The following BLCAP variants were observed in gnomAD, a reference collection of about 807,000 sequenced individuals.
The protein encoded by BLCAP is apoptosis inducing factor BLCAP.
BLCAP carries 1 observed loss-of-function variant against 5.7 expected under a neutral mutation model. The ratio of observed to expected loss-of-function variants is 0.18; its 90% confidence interval spans 0.06 to 0.83. The LOEUF is 0.83. Ranked by LOEUF, BLCAP falls within the 40% of genes least tolerant of loss-of-function variation. The pLI, the probability that BLCAP is intolerant of heterozygous loss-of-function variation, is 0.71. For synonymous variants in BLCAP, 48 were observed against 49.4 expected (o/e 0.97, Z 0.11); for missense variants, 66 against 107.6 (o/e 0.61, Z 1.71).
At chr20:37,522,711 G>C in intron 1 of BLCAP, 1 of 1,612,100 alleles carries the variant, frequency 6.2e-7, no homozygotes, top group South Asian at 1.1e-5. Flanking sequence ...CGGTGTCGCG[G>C]ACCGGGCGGC....
Position 37,519,257 on chromosome 20 carries a change from G to A in BLCAP, c.-83C>T, listed in dbSNP as rs2071473743. 1.0e-5 allele frequency: 15 copies of A among 1,457,384 alleles called. No homozygotes were observed. The highest frequency in any genetic ancestry group is 2.4e-5 in the Admixed American group (1 of 41,972). 90.3% of individuals were successfully genotyped at this position (1,457,384 alleles called of 1,614,324 possible). ...CTAATGGGAGCCAGCGGGCGCAGGC[G>A]GCTGCCCTCCGCTTTCTTCAACCCT... On this transcript the variant is annotated 5_prime_UTR_variant, in exon 2 of 2. Transcript: ENST00000373537.
At chr20:37,526,527 C>G (rs1032341631) in intron 1 of BLCAP, 1 of 151,566 alleles carries the variant, frequency 6.6e-6, no homozygotes, top group African/African-American at 2.4e-5. Flanking sequence ...AGCAGGAAGT[C>G]AGAGAGGCAG....
In BLCAP at chr20:37,521,154, G is replaced by A; in HGVS notation, c.-176-1804C>T. 3.0e-6 allele frequency: 2 copies of A among 669,956 alleles called. No homozygotes were observed. The highest frequency in any genetic ancestry group is 2.7e-6 in the Non-Finnish European group (1 of 373,620). The allele number at this position is 669,956 out of a possible 1,614,324, so 41.5% of individuals were successfully genotyped here. A position where few individuals can be genotyped will look rare whatever the true frequency, so the allele number is the denominator to read the frequency against. On this transcript the variant is annotated intron_variant, in intron 1 of 1. Coordinates refer to ENST00000373537, the MANE Select transcript of BLCAP (RefSeq NM_006698.4). The surrounding 1 kb of genome is among the most constrained non-coding windows in gnomAD (Gnocchi z 4.5). ...TTTCCTCTCCTGGCGAATGAGGAGCGCCCCCAGCCACCCCTCCTCATAAAC... is the reference window on the plus strand; with the variant it reads ...TTTCCTCTCCTGGCGAATGAGGAGCACCCCCAGCCACCCCTCCTCATAAAC...
intron 1 of BLCAP, among the ~76,000 whole-genome samples, chr20:37,525,352 G>A (rs894622597): frequency 6.6e-6 from 1 of 152,242 alleles, no homozygotes; most frequent in Non-Finnish European, 1.5e-5. Context: ...AGCATGGTAA[G>A]AGCTGGCTGC....
intron 1 of BLCAP, chr20:37,522,564 T>TGGGC: frequency 1.8e-6 from 1 of 554,380 alleles, no homozygotes; most frequent in Non-Finnish European, 2.2e-6. Context: ...CTACGCTGGA[T>TGGGC]GGGCGGGCGG....
intron 1 of BLCAP, among the ~76,000 whole-genome samples, chr20:37,526,279 C>T (rs1476835967): frequency 1.4e-5 from 2 of 146,872 alleles, no homozygotes; most frequent in African/African-American, 2.5e-5. Flanking sequence ...CTTCCCCCCC[C>T]CACCGCCCCC....
Position 37,518,936 on chromosome 20 carries a change from T to C in BLCAP, c.239A>G (p.His80Arg). The change falls in exon 2 of 2, where the codon CAT becomes CGT. Residue 80 changes from histidine to arginine, a missense_variant. His to Arg is a conservative substitution (Grantham distance 29). Transcript: ENST00000373537. The part of the protein sequence containing the change: ...CSDSPLPESA[H>R]DPGVVGT Reference sequence around the variant, plus strand: ...TTAGGTGCCCACAACGCCGGGATCATGCGCCGATTCTGGAAGCGGGGAATC... The same window carrying C: ...TTAGGTGCCCACAACGCCGGGATCACGCGCCGATTCTGGAAGCGGGGAATC... 6.2e-7 allele frequency: 1 copy of C among 1,614,218 alleles called. No individual in the cohort carries two copies.
intron 1 of BLCAP, chr20:37,522,595 T>C (rs1456093406): frequency 3.3e-6 from 3 of 910,420 alleles, no homozygotes; most frequent in South Asian, 1.7e-5. Flanking sequence ...GGGGCGGGGG[T>C]GGGCACGGCA....
chr20:37,518,619 A>C lies in BLCAP; in HGVS notation c.*292T>G. On this transcript the variant is annotated 3_prime_UTR_variant, in exon 2 of 2. Transcript: ENST00000373537. ...TGGGGCAGCTGACCAGGATGGACCC[A>C]GACTCCTCACAGTAATGAGGCGAGA... 5.0e-6 allele frequency: 2 copies of C among 400,096 alleles called. No individual in the cohort carries two copies. Among genetic ancestry groups the C allele is most frequent in the Non-Finnish European group, 9.2e-6 (2 of 218,042 alleles). 24.8% of individuals were successfully genotyped at this position (400,096 alleles called of 1,614,324 possible).
intron 1 of BLCAP, chr20:37,524,674 GC>G (rs1222487958): frequency 6.6e-6 from 1 of 152,270 alleles, no homozygotes; most frequent in African/African-American, 2.4e-5. Flanking sequence ...TACTTCTGAA[GC>G]ACAAAGTACC....
chr20:37,519,221 C>T lies in BLCAP; in HGVS notation c.-47G>A, dbSNP rs1056234427. 6.5e-7 allele frequency: 1 copy of T among 1,531,250 alleles called. No individual in the cohort carries two copies. Among genetic ancestry groups the T allele is most frequent in the East Asian group, 2.4e-5 (1 of 40,858 alleles). 94.9% of individuals were successfully genotyped at this position (1,531,250 alleles called of 1,614,324 possible). On this transcript the variant is annotated 5_prime_UTR_variant, in exon 2 of 2. Coordinates refer to ENST00000373537, the MANE Select transcript of BLCAP (RefSeq NM_006698.4). Reference sequence around the variant, plus strand: ...TCACCAAGGCTGCCGGGCACCGCTGCAGGAACCGACCTAATGGGAGCCAGC... The same window carrying T: ...TCACCAAGGCTGCCGGGCACCGCTGTAGGAACCGACCTAATGGGAGCCAGC...
intron 1 of BLCAP, among the ~76,000 whole-genome samples, chr20:37,522,144 GA>G (rs139443313): frequency 0.014 from 1,128 of 82,492 alleles, 16 homozygotes; most frequent in African/African-American, 0.055. Flanking sequence ...AATAGAAGGG[GA>G]AAAAAAGCAC....
At position 37,518,645 on chromosome 20, in the gene BLCAP, G is replaced by T; in HGVS notation, c.*266C>A. The T allele has an allele frequency of 2.0e-6, 1 of 492,188 alleles. No homozygotes were observed. The highest frequency in any genetic ancestry group is 3.7e-6 in the Non-Finnish European group (1 of 272,652). 30.5% of individuals were successfully genotyped at this position (492,188 alleles called of 1,614,324 possible). On this transcript the variant is annotated 3_prime_UTR_variant, in exon 2 of 2. Transcript: ENST00000373537. The stretch of plus-strand genomic sequence containing the variant: ...GACTCCTCACAGTAATGAGGCGAGA[G>T]GGGTGGTCATGCGGCCAGCCAGGAC...
chr20:37,521,124 ATT>A lies in BLCAP; in HGVS notation c.-176-1776_-176-1775del. 1.6e-6 allele frequency: 1 copy of A among 621,542 alleles called. No homozygotes were observed. Among genetic ancestry groups the A allele is most frequent in the African/African-American group, 1.8e-5 (1 of 54,298 alleles). The allele number at this position is 621,542 out of a possible 1,614,324, so 38.5% of individuals were successfully genotyped here. On this transcript the variant is annotated intron_variant, in intron 1 of 1. Coordinates refer to ENST00000373537, the MANE Select transcript of BLCAP (RefSeq NM_006698.4). This position sits in a 1 kb window ranked among gnomAD's most constrained non-coding sequence, Gnocchi z 4.5. ...TCGGTATGGAAAGAGCAGATGGATT[ATT>A]TTTTTCCTCTCCTGGCGAATGAGGA... is the stretch of plus-strand genomic sequence containing the variant.
intron 1 of BLCAP, chr20:37,522,315 C>T (rs891050603): frequency 6.5e-7 from 1 of 1,548,938 alleles, no homozygotes; most frequent in African/African-American, 1.4e-5. Context: ...GAATTCCCTG[C>T]TAAAGGAATC....
At chr20:37,522,337 G>A in intron 1 of BLCAP, 2 of 1,609,842 alleles carry the variant, frequency 1.2e-6, no homozygotes, top group Non-Finnish European at 1.7e-6. Flanking sequence ...TTTGCCAAAG[G>A]AATCGCATAT....
In BLCAP at chr20:37,521,275, A is replaced by G; in HGVS notation, c.-176-1925T>C. On this transcript the variant is annotated intron_variant, in intron 1 of 1. Coordinates refer to ENST00000373537, the MANE Select transcript of BLCAP (RefSeq NM_006698.4). This position sits in a 1 kb window ranked among gnomAD's most constrained non-coding sequence, Gnocchi z 4.5. ...AGTGCGCCCAACAGCGGACTCCGAG[A>G]CCAGCGGATCTCGGCAAACCCTCTT... is the stretch of plus-strand genomic sequence containing the variant. 1 of 1,579,250 alleles carries G rather than the reference A, an allele frequency of 6.3e-7. No individual in the cohort carries two copies. Among genetic ancestry groups the G allele is most frequent in the South Asian group, 1.1e-5 (1 of 90,310 alleles).
Position 37,517,991 on chromosome 20 carries a change from A to C in BLCAP, c.*920T>G, listed in dbSNP as rs1160371257. The stretch of plus-strand genomic sequence containing the variant: ...CACATGTATTTGTACACACACACAC[A>C]CAGGGCACACCAAAAAATATCCAAA... On this transcript the variant is annotated 3_prime_UTR_variant, in exon 2 of 2. Transcript: ENST00000373537. 1 of 152,714 alleles carries C rather than the reference A, an allele frequency of 6.5e-6. No homozygotes were observed. The highest frequency in any genetic ancestry group is 2.4e-5 in the African/African-American group (1 of 41,444). The allele number at this position is 152,714 out of a possible 1,614,324, so 9.5% of individuals were successfully genotyped here.
At chr20:37,522,007 GA>G (rs552135341) in intron 1 of BLCAP, among the ~76,000 whole-genome samples, 2 of 149,704 alleles carry the variant, frequency 1.3e-5, no homozygotes, top group East Asian at 1.9e-4. Context: ...GCACTTGGCA[GA>G]AAAAAATGCA....
Sources: allele counts gnomAD v4.1 joint callset (sites outside exome capture counted in the v4.1 genomes callset), GRCh38; gene constraint gnomAD v4.1.1; non-coding constraint Gnocchi (gnomAD v3.1); transcripts MANE v1.5; gene names NCBI Gene and HGNC (gene_info 2026-07-23, HGNC 2026-07-21).